DPYD: variants seen among roughly 807,000 people sequenced by gnomAD.
The protein encoded by DPYD is dihydropyrimidine dehydrogenase [NADP(+)].
In DPYD, 109 loss-of-function variants were observed where a neutral mutation model predicts 116.2. That is an observed-to-expected ratio of 0.94 (90% CI 0.80 to 1.10). The LOEUF is 1.10. Ranked by LOEUF, DPYD falls within the 50% of genes least tolerant of loss-of-function variation. DPYD has a pLI of 0.00. For synonymous variants in DPYD, 440 were observed against 432.0 expected, an observed-to-expected ratio of 1.02 and a Z score of -0.23; for missense variants, 1,302 against 1,254.5, an observed-to-expected ratio of 1.04 and a Z score of -0.57.
At chr1:97,563,476 C>T (rs144483110) in intron 11 of DPYD, among the ~76,000 whole-genome samples, 4 of 152,218 alleles carry the variant, frequency 2.6e-5, no homozygotes, top group African/African-American at 7.2e-5. Flanking sequence ...CCATTTTCTA[C>T]CTTCTTTCCC....
chr1:97,820,953 T>G (rs930008485), intron 3 of DPYD, among the ~76,000 whole-genome samples: 2 of 152,280 alleles, frequency 1.3e-5, no homozygotes, highest in Middle Eastern at 3.4e-3. Context: ...ATATTCTATA[T>G]GTACCTCTTC....
intron 17 of DPYD, 81 bp from the exon 18 acceptor site, chr1:97,305,459 A>G: frequency 6.4e-7 from 1 of 1,573,790 alleles, no homozygotes; most frequent in Admixed American, 1.7e-5. Context: ...CACATCCCAG[A>G]AAAATGCATT....
intron 12 of DPYD, among the ~76,000 whole-genome samples, chr1:97,531,265 C>A (rs1421551035): frequency 6.6e-6 from 1 of 152,158 alleles, no homozygotes; most frequent in Non-Finnish European, 1.5e-5. Flanking sequence ...ACATTTTAGT[C>A]TTTAATTAAT....
rs1271345138 is a variant in DPYD at position 97,116,384 on chromosome 1, A to T, written c.2623-17752T>A. Among the ~76,000 whole-genome samples, 3 of 152,142 alleles carry T rather than the reference A, an allele frequency of 2.0e-5. 1 individual carries two copies. Among genetic ancestry groups the T allele is most frequent in the Non-Finnish European group, 4.4e-5 (3 of 68,022 alleles). On this transcript the variant is annotated intron_variant, in intron 20 of 22. Transcript: ENST00000370192. ...TATAAACTATAGCTGATGTAAAATG[A>T]CAAATTGGTCATGCACAGTGGCACA...
At chr1:97,749,657 T>G (rs1280021760) in intron 3 of DPYD, among the ~76,000 whole-genome samples, 1 of 152,198 alleles carries the variant, frequency 6.6e-6, no homozygotes, top group Non-Finnish European at 1.5e-5. Context: ...AGCCATATTC[T>G]GAAGCCCAAG....
intron 11 of DPYD, among the ~76,000 whole-genome samples, chr1:97,550,529 A>C (rs534541512): frequency 6.6e-6 from 1 of 152,302 alleles, no homozygotes; most frequent in South Asian, 2.1e-4. Flanking sequence ...GAAGAGATCA[A>C]TGGATGCAAT....
chr1:97,656,966 ATTTTTTT>A (rs71590230), intron 8 of DPYD, among the ~76,000 whole-genome samples: 3 of 116,514 alleles, frequency 2.6e-5, no homozygotes, highest in African/African-American at 3.3e-5. Context: ...GCATGATTGT[ATTTTTTT>A]TTTTTTTTTT....
At chr1:97,176,163 A>G (rs1476470979) in intron 20 of DPYD, among the ~76,000 whole-genome samples, 1 of 152,192 alleles carries the variant, frequency 6.6e-6, no homozygotes, top group Admixed American at 6.5e-5. Context: ...GAAACTTTCA[A>G]AGTGGTAGTT....
At chr1:97,661,893 C>T (rs1446409755) in intron 8 of DPYD, among the ~76,000 whole-genome samples, 1 of 150,882 alleles carries the variant, frequency 6.6e-6, no homozygotes, top group Non-Finnish European at 1.5e-5. Context: ...TACATACATA[C>T]ACACGTGTAT....
intron 2 of DPYD, among the ~76,000 whole-genome samples, chr1:97,872,019 TAATGG>T (rs1287080152): frequency 1.3e-5 from 2 of 151,794 alleles, no homozygotes; most frequent in Non-Finnish European, 2.9e-5. Context: ...ATGGAGACAG[TAATGG>T]AATCAGAAAT....
intron 1 of DPYD, among the ~76,000 whole-genome samples, chr1:97,913,836 A>C (rs1321547885): frequency 6.6e-6 from 1 of 151,874 alleles, no homozygotes; most frequent in African/African-American, 2.4e-5. Flanking sequence ...AGAGGTGAGG[A>C]ATAAAACATG....
intron 15 of DPYD, among the ~76,000 whole-genome samples, chr1:97,374,394 T>C (rs1018276733): frequency 3.9e-5 from 6 of 152,070 alleles, no homozygotes; most frequent in Non-Finnish European, 5.9e-5. Context: ...AAGTCTTCTG[T>C]AAAGAACATG....
intron 13 of DPYD, among the ~76,000 whole-genome samples, chr1:97,507,426 T>C (rs1274033581): frequency 6.6e-6 from 1 of 150,676 alleles, no homozygotes; most frequent in Non-Finnish European, 1.5e-5. Flanking sequence ...GCAAAAATAA[T>C]GCACTGGACT....
intron 8 of DPYD, among the ~76,000 whole-genome samples, chr1:97,658,080 C>G (rs999096083): frequency 2.6e-5 from 4 of 152,122 alleles, no homozygotes; most frequent in African/African-American, 4.8e-5. Context: ...ATAGTACCTA[C>G]AGTTTGCAGC....
intron 16 of DPYD, among the ~76,000 whole-genome samples, chr1:97,312,356 G>T (rs1233414776): frequency 6.6e-6 from 1 of 151,744 alleles, no homozygotes; most frequent in African/African-American, 2.4e-5. Flanking sequence ...GAACAATGTG[G>T]TAATATGTAT....
At chr1:97,516,139 T>C (rs548585798) in intron 12 of DPYD, among the ~76,000 whole-genome samples, 198 bp from the exon 13 acceptor site, 1 of 152,026 alleles carries the variant, frequency 6.6e-6, no homozygotes, top group East Asian at 1.9e-4. Flanking sequence ...TCAAAGGCAG[T>C]ATGAAGAGTA....
In DPYD at chr1:97,756,538, T is replaced by C. The variant is rs374359073; in HGVS notation, c.234-16059A>G. ...AACAGAAAGAAGAAGAGAAACTTAT[T>C]TTAAAATAATATTACAGAAATTTTT... On this transcript the variant is annotated intron_variant, in intron 3 of 22. Coordinates refer to ENST00000370192, the MANE Select transcript of DPYD (RefSeq NM_000110.4). Among the ~76,000 whole-genome samples, 71 of 152,324 alleles carry C rather than the reference T, an allele frequency of 4.7e-4. No individual in the cohort carries two copies. In the Middle Eastern group the frequency reaches 0.01, roughly 22 times the overall value.
At chr1:97,440,957 T>A (rs565365778) in intron 14 of DPYD, among the ~76,000 whole-genome samples, 1 of 152,202 alleles carries the variant, frequency 6.6e-6, no homozygotes, top group Non-Finnish European at 1.5e-5. Context: ...GATTTTGAAA[T>A]CTAGGTTAAT....
intron 18 of DPYD, among the ~76,000 whole-genome samples, chr1:97,247,328 T>A (rs1457629493): frequency 1.3e-5 from 2 of 152,128 alleles, no homozygotes; most frequent in Non-Finnish European, 2.9e-5. Flanking sequence ...TCCTAAAGTA[T>A]TACCTAAAGG....
Sources: allele counts gnomAD v4.1 joint callset (sites outside exome capture counted in the v4.1 genomes callset), GRCh38; gene constraint gnomAD v4.1.1; transcripts MANE v1.5; gene names NCBI Gene and HGNC (gene_info 2026-07-23, HGNC 2026-07-21).